The following FAHD2A variants were observed in gnomAD, a reference collection of about 807,000 sequenced individuals.
FAHD2A encodes fumarylacetoacetate hydrolase domain containing 2A.
Under a neutral mutation model 33.4 loss-of-function variants are expected in FAHD2A, and 27 were observed. The ratio of observed to expected loss-of-function variants is 0.81; its 90% CI spans 0.60 to 1.11. The LOEUF is 1.11. FAHD2A is among the 50% of genes most tolerant of loss of function. The pLI, the probability that FAHD2A is intolerant of heterozygous loss-of-function variation, is 0.00. For synonymous variants in FAHD2A, 130 were observed against 153.3 expected (o/e 0.85, Z 1.12); for missense variants, 296 against 395.0 (o/e 0.75, Z 2.12).
intron 3 of FAHD2A, among the ~76,000 whole-genome samples, chr2:95,409,782 G>T (rs1177361693): frequency 6.6e-6 from 1 of 152,200 alleles, no homozygotes; most frequent in African/African-American, 2.4e-5. Flanking sequence ...AGTTTGGCCA[G>T]TGAGGGGCCT....
chr2:95,418,474 A>G (rs576842894), downstream of FAHD2A, among the ~76,000 whole-genome samples: 15 of 152,124 alleles, frequency 9.9e-5, no homozygotes, highest in African/African-American at 2.7e-4. Flanking sequence ...CAAGGCCCCA[A>G]CATTAAAAAT....
downstream of FAHD2A, among the ~76,000 whole-genome samples, chr2:95,418,234 A>G (rs1395850578): frequency 6.6e-6 from 1 of 151,802 alleles, no homozygotes; most frequent in Non-Finnish European, 1.5e-5. Context: ...AGATGGTAGT[A>G]TGGGGTTGGG....
At chr2:95,420,569 G>T (rs1267943351), downstream of FAHD2A, among the ~76,000 whole-genome samples, 1 of 151,500 alleles carries the variant, frequency 6.6e-6, no homozygotes, top group Non-Finnish European at 1.5e-5. Context: ...AATTGTCTGG[G>T]CACCTAACGA....
At position 95,407,094 on chromosome 2, in the gene FAHD2A, C is replaced by T. The variant is rs1573555771; in HGVS notation, c.399C>T (p.Phe133=). The change falls in exon 3 of 8, where the codon TTC becomes TTT. Residue 133 remains phenylalanine (F), a synonymous_variant. Transcript: ENST00000233379. ...CCGTGCCCAAGGAGCCCATCATCTT[C>T]AGCAAGTTTGCCAGCTCCATCGTGG... ...NVPVPKEPII[F]SKFASSIVGP... 1.9e-6 allele frequency: 3 copies of T among 1,612,392 alleles called. No homozygotes were observed. The highest frequency in any genetic ancestry group is 2.5e-6 in the Non-Finnish European group (3 of 1,179,826).
downstream of FAHD2A, among the ~76,000 whole-genome samples, chr2:95,416,996 A>G (rs1196977038): frequency 6.6e-6 from 1 of 152,206 alleles, no homozygotes; most frequent in African/African-American, 2.4e-5. Context: ...CAGGATGAAA[A>G]TGTGCCATGG....
Position 95,402,745 on chromosome 2 carries a change from T to G in FAHD2A, c.-134T>G, listed in dbSNP as rs545370401. The G allele has an allele frequency of 1.3e-5, 2 of 152,482 alleles. No individual in the cohort carries two copies. Among genetic ancestry groups the G allele is most frequent in the Non-Finnish European group, 2.9e-5 (2 of 68,184 alleles). 9.4% of individuals were successfully genotyped at this position (152,482 alleles called of 1,614,324 possible). A position where few individuals can be genotyped will look rare whatever the true frequency, so the allele number is the denominator to read the frequency against. The stretch of plus-strand genomic sequence containing the variant: ...GGTGATCCGGCCGAGTGGCCCTGGG[T>G]TAGCAGCTGCTGCATTTCCCCGGCT... On this transcript the variant is annotated 5_prime_UTR_variant, in exon 1 of 8. Transcript: ENST00000233379.
chr2:95,409,665 G>A (rs1300924267), intron 3 of FAHD2A, among the ~76,000 whole-genome samples: 1 of 152,202 alleles, frequency 6.6e-6, no homozygotes, highest in African/African-American at 2.4e-5. Flanking sequence ...ATTCTTCTAT[G>A]AAGAAAAGCT....
chr2:95,418,450 GAA>G (rs1683268842), downstream of FAHD2A, among the ~76,000 whole-genome samples: 1 of 151,994 alleles, frequency 6.6e-6, no homozygotes, highest in Admixed American at 6.5e-5. Context: ...TGTATTGAAA[GAA>G]GAGAATGTGA....
At chr2:95,403,976 G>A (rs1413531328) in intron 1 of FAHD2A, among the ~76,000 whole-genome samples, 2 of 152,202 alleles carry the variant, frequency 1.3e-5, no homozygotes, top group Non-Finnish European at 2.9e-5. Context: ...AGACAGCAGG[G>A]CAGAGAAGTC....
At chr2:95,403,741 CA>C (rs1357339902) in intron 1 of FAHD2A, among the ~76,000 whole-genome samples, 1 of 152,208 alleles carries the variant, frequency 6.6e-6, no homozygotes, top group Non-Finnish European at 1.5e-5. Context: ...TAACCTTGGG[CA>C]AATCTCTTAA....
chr2:95,414,342 C>T lies in FAHD2A; in HGVS notation c.*1385C>T. 1 of 786,230 alleles carries T rather than the reference C, an allele frequency of 1.3e-6. No individual in the cohort carries two copies. The highest frequency in any genetic ancestry group is 2.2e-6 in the Non-Finnish European group (1 of 448,278). The allele number at this position is 786,230 out of a possible 1,614,324, so 48.7% of individuals were successfully genotyped here. Reference sequence around the variant, plus strand: ...AAGACATCAAAAAGAAAATCTAGTGCTGGGTGGATATAGAGTATGAAGATG... The same window carrying T: ...AAGACATCAAAAAGAAAATCTAGTGTTGGGTGGATATAGAGTATGAAGATG... On this transcript the variant is annotated 3_prime_UTR_variant, in exon 8 of 8. Transcript: ENST00000233379.
intron 4 of FAHD2A, 21 bp downstream of exon 4, chr2:95,410,607 T>C (rs750429043): frequency 1.2e-6 from 2 of 1,612,674 alleles, no homozygotes; most frequent in East Asian, 2.2e-5. Flanking sequence ...AAGGGTGGGC[T>C]CCCAGTCCAG....
intron 5 of FAHD2A, 98 bp downstream of exon 5, chr2:95,411,124 C>T: frequency 1.3e-6 from 2 of 1,535,152 alleles, no homozygotes; most frequent in South Asian, 2.6e-5. Flanking sequence ...CACCTGCCCT[C>T]CCTGGCCGCC....
intron 5 of FAHD2A, among the ~76,000 whole-genome samples, chr2:95,411,908 C>T (rs911983726): frequency 1.2e-4 from 19 of 152,330 alleles, no homozygotes; most frequent in African/African-American, 3.8e-4. Flanking sequence ...GCCTCAGCCT[C>T]CTGAGTAGCT....
rs771445507 is a variant in FAHD2A at position 95,412,461 on chromosome 2, G to A, written c.713G>A (p.Arg238Gln). The A allele has an allele frequency of 4.4e-5, 71 of 1,613,912 alleles. 1 individual carries two copies. The highest frequency in any genetic ancestry group is 5.8e-5 in the Non-Finnish European group (69 of 1,179,846). Residue 238 changes from arginine (R) to glutamine (Q), a missense_variant, in exon 6 of 8, where the codon CGA becomes CAA. Arg to Gln is a conservative substitution (Grantham distance 43). Transcript: ENST00000233379. ...ADPHNLKICC[R>Q]VNGEVVQSGN... Reference sequence around the variant, plus strand: ...CCACACAACTTAAAGATCTGCTGCCGAGTGAATGGGGAAGTGGTCCAGAGC... The same window carrying A: ...CCACACAACTTAAAGATCTGCTGCCAAGTGAATGGGGAAGTGGTCCAGAGC...
chr2:95,407,277 A>G (rs1206779415), intron 3 of FAHD2A, 120 bp downstream of exon 3: 24 of 1,429,466 alleles, frequency 1.7e-5, no homozygotes, highest in Middle Eastern at 2.6e-4. Flanking sequence ...GAAACTCTAC[A>G]GGATTGTACA....
intron 1 of FAHD2A, 34 bp from the exon 2 acceptor site, chr2:95,405,519 C>T: frequency 6.3e-7 from 1 of 1,579,988 alleles, no homozygotes; most frequent in Non-Finnish European, 8.6e-7. Flanking sequence ...CTCTGGGATC[C>T]TCTGTCTCCT....
chr2:95,404,083 T>C (rs887369936), intron 1 of FAHD2A, among the ~76,000 whole-genome samples: 1 of 152,168 alleles, frequency 6.6e-6, no homozygotes, highest in African/African-American at 2.4e-5. Flanking sequence ...AATCTCCAGG[T>C]GAGGACCAAG....
At chr2:95,403,189 G>A (rs2104334582) in intron 1 of FAHD2A, among the ~76,000 whole-genome samples, 1 of 152,344 alleles carries the variant, frequency 6.6e-6, no homozygotes, top group Middle Eastern at 3.4e-3. Context: ...GTTGGATTGA[G>A]CTCGGGCTGT....
Sources: allele counts gnomAD v4.1 joint callset (sites outside exome capture counted in the v4.1 genomes callset), GRCh38; gene constraint gnomAD v4.1.1; transcripts MANE v1.5; gene names NCBI Gene and HGNC (gene_info 2026-07-23, HGNC 2026-07-21).